IGSF11: variants seen among roughly 807,000 people sequenced by gnomAD.
The protein encoded by IGSF11 is CXADR like 1.
Under a neutral mutation model 41.0 loss-of-function variants are expected in IGSF11, and 22 were observed. That is an observed-to-expected ratio of 0.54 (90% confidence interval 0.38 to 0.77). IGSF11 has a LOEUF of 0.77. Ranked by LOEUF, IGSF11 falls within the 30% of genes least tolerant of loss-of-function variation. IGSF11 has a pLI of 0.00. For synonymous variants in IGSF11, 219 were observed against 201.3 expected, an observed-to-expected ratio of 1.09 and a Z score of -0.74; for missense variants, 444 against 530.8, an observed-to-expected ratio of 0.84 and a Z score of 1.61.
upstream of IGSF11, among the ~76,000 whole-genome samples, chr3:119,037,529 A>T (rs910323721): frequency 1.3e-5 from 2 of 152,228 alleles, no homozygotes; most frequent in Non-Finnish European, 2.9e-5. Flanking sequence ...AGAGAGTTAT[A>T]GTTGGTCTAC....
At chr3:119,030,729 G>C (rs1940316014) in intron 1 of IGSF11, among the ~76,000 whole-genome samples, 1 of 152,192 alleles carries the variant, frequency 6.6e-6, no homozygotes, top group Non-Finnish European at 1.5e-5. Flanking sequence ...GAAGATTTCA[G>C]ATCCTCCAGA....
intron 1 of IGSF11, among the ~76,000 whole-genome samples, chr3:118,990,700 T>C (rs1339371115): frequency 6.6e-6 from 1 of 152,226 alleles, no homozygotes; most frequent in Non-Finnish European, 1.5e-5. Context: ...GGAAACAATA[T>C]AGTCCCTTTC....
intron 1 of IGSF11, among the ~76,000 whole-genome samples, chr3:119,130,796 T>G (rs2077471250): frequency 2.0e-5 from 3 of 152,098 alleles, no homozygotes; most frequent in African/African-American, 7.2e-5. Flanking sequence ...AAAAGACACC[T>G]CATACAGGCA....
At chr3:119,034,869 G>C (rs1046485835), upstream of IGSF11, 3 of 1,195,544 alleles carry the variant, frequency 2.5e-6, no homozygotes, top group African/African-American at 4.7e-5. Context: ...GCGCAGTCCG[G>C]GGAGCCACTC....
At position 118,973,085 on chromosome 3, in the gene IGSF11, ACT is replaced by A. The variant is rs1368417736; in HGVS notation, c.53-42812_53-42811del. Among the ~76,000 whole-genome samples, 5 of 152,164 alleles carry A rather than the reference ACT, an allele frequency of 3.3e-5. 1 individual carries two copies. The highest frequency in any genetic ancestry group is 1.9e-4 in the East Asian group (1 of 5,182). On this transcript the variant is annotated intron_variant, in intron 1 of 6. Transcript: ENST00000393775. ...TGCTTACTCGCAGTCTCTCATTCCC[ACT>A]GTTTTGTTCTCTCTGCTGCTCTCTC...
intron 1 of IGSF11, among the ~76,000 whole-genome samples, chr3:118,953,880 T>G (rs2107587371): frequency 6.6e-6 from 1 of 152,344 alleles, no homozygotes; most frequent in South Asian, 2.1e-4. Flanking sequence ...TGGTTTCTTT[T>G]GCTGTGCAGA....
chr3:118,960,618 G>C (rs189251143), intron 1 of IGSF11, among the ~76,000 whole-genome samples: 1 of 150,824 alleles, frequency 6.6e-6, no homozygotes, highest in Non-Finnish European at 1.5e-5. Context: ...CAATTTAAGG[G>C]GAAAAAAACA....
At chr3:119,058,929 A>T (rs952333055) in intron 1 of IGSF11, among the ~76,000 whole-genome samples, 12 of 151,996 alleles carry the variant, frequency 7.9e-5, no homozygotes, top group African/African-American at 2.9e-4. Context: ...AACAATGAGA[A>T]CACATGGACA....
At chr3:118,942,966 G>A (rs1317572029) in intron 1 of IGSF11, 2 of 152,256 alleles carry the variant, frequency 1.3e-5, no homozygotes, top group Admixed American at 1.3e-4. Flanking sequence ...AAGAGGAGAT[G>A]CATGCTCTCC....
At chr3:119,010,511 G>A (rs1937989772) in intron 1 of IGSF11, among the ~76,000 whole-genome samples, 1 of 152,176 alleles carries the variant, frequency 6.6e-6, no homozygotes, top group East Asian at 1.9e-4. Context: ...TCTTCCTTAT[G>A]TGAGTGGGCC....
At chr3:118,910,354 G>A (rs1057168654) in intron 4 of IGSF11, among the ~76,000 whole-genome samples, 1 of 152,172 alleles carries the variant, frequency 6.6e-6, no homozygotes, top group Non-Finnish European at 1.5e-5. Context: ...AGGAATCTGA[G>A]TTAACTCTGA....
At position 118,941,267 on chromosome 3, in the gene IGSF11, T is replaced by C. The variant is rs891540102; in HGVS notation, c.53-10992A>G. 3.3e-5 allele frequency among the ~76,000 whole-genome samples: 5 copies of C among 152,216 alleles called. 1 individual carries two copies. The highest frequency in any genetic ancestry group is 1.9e-4 in the East Asian group (1 of 5,192). ...TCTTGTATTTATAATATCTAAAAACTCTTAAAATTCAACAAAACAAACAGT... is the reference window on the plus strand; with the variant it reads ...TCTTGTATTTATAATATCTAAAAACCCTTAAAATTCAACAAAACAAACAGT... On this transcript the variant is annotated intron_variant, in intron 1 of 6. Coordinates refer to ENST00000393775, the MANE Select transcript of IGSF11 (RefSeq NM_001015887.3).
chr3:119,003,639 C>G (rs572311943), intron 1 of IGSF11, among the ~76,000 whole-genome samples: 1 of 151,788 alleles, frequency 6.6e-6, no homozygotes, highest in African/African-American at 2.4e-5. Context: ...TATGTCCCAT[C>G]AATACTTAAT....
intron 1 of IGSF11, chr3:118,983,366 T>A (rs908950341): frequency 5.9e-5 from 9 of 152,160 alleles, no homozygotes; most frequent in African/African-American, 2.2e-4. Flanking sequence ...ATCTAAGAAG[T>A]GTGCTCCAGA....
Position 118,908,985 on chromosome 3 carries a change from T to C in IGSF11, c.581-3267A>G, listed in dbSNP as rs905382729. ...GAGCTACCAAAGTGCCTACAAACTG[T>C]AGATTACTGTGAGGACTAAATGAAA... On this transcript the variant is annotated intron_variant, in intron 4 of 6. Transcript: ENST00000393775. Among the ~76,000 whole-genome samples the C allele has an allele frequency of 3.3e-5, 5 of 152,322 alleles. 1 individual carries two copies. Among genetic ancestry groups the C allele is most frequent in the East Asian group, 1.9e-4 (1 of 5,188 alleles).
rs1553716833 is a variant in IGSF11 at position 119,029,272 on chromosome 3, A to ACACC, written c.52+5255_52+5258dup. Among the ~76,000 whole-genome samples the ACACC allele has an allele frequency of 2.1e-3, 308 of 145,320 alleles. 2 individuals carry two copies. Among genetic ancestry groups the ACACC allele is most frequent in the Middle Eastern group, 7.0e-3 (2 of 284 alleles). Reference sequence around the variant, plus strand: ...CACACACACACACACACACACACACACACCCGAGAGAGAGAGAGAATGCGA... The same window carrying ACACC: ...CACACACACACACACACACACACACACACCCACCCGAGAGAGAGAGAGAATGCGA... On this transcript the variant is annotated intron_variant, in intron 1 of 6. Coordinates refer to ENST00000393775, the MANE Select transcript of IGSF11 (RefSeq NM_001015887.3).
intron 4 of IGSF11, among the ~76,000 whole-genome samples, chr3:118,911,693 T>C (rs1008115469): frequency 2.1e-5 from 3 of 142,236 alleles, no homozygotes; most frequent in Non-Finnish European, 3.1e-5. Context: ...AGAGAAGAGA[T>C]AGAAAGTGAG....
At chr3:118,908,611 T>C (rs1054776308) in intron 4 of IGSF11, among the ~76,000 whole-genome samples, 2 of 152,226 alleles carry the variant, frequency 1.3e-5, no homozygotes, top group Non-Finnish European at 2.9e-5. Flanking sequence ...TTTTAAAGAA[T>C]AGGGAAAGTT....
At chr3:118,957,587 A>G (rs1458735873) in intron 1 of IGSF11, among the ~76,000 whole-genome samples, 1 of 152,202 alleles carries the variant, frequency 6.6e-6, no homozygotes, top group Non-Finnish European at 1.5e-5. Context: ...GAGTGCATGC[A>G]TGCTCTTACT....
Sources: gnomAD v4.1 joint callset for allele counts (sites outside exome capture counted in the v4.1 genomes callset) on GRCh38, gnomAD v4.1.1 for gene constraint, MANE v1.5 for transcripts, NCBI Gene and HGNC (gene_info 2026-07-23, HGNC 2026-07-21) for gene names.